Variants in DOK6 observed in about 807,000 individuals in gnomAD.
The protein encoded by DOK6 is docking protein 6.
Under a neutral mutation model 44.0 loss-of-function variants are expected in DOK6, and 22 were observed. That is an observed-to-expected ratio of 0.50 (90% CI 0.36 to 0.71). The LOEUF is 0.71. DOK6 is among the 30% of genes least tolerant of loss of function. The pLI, the probability that DOK6 is intolerant of heterozygous loss-of-function variation, is 0.00. For synonymous variants in DOK6, 166 were observed against 145.5 expected, an observed-to-expected ratio of 1.14 and a Z score of -1.01; for missense variants, 340 against 416.4, an observed-to-expected ratio of 0.82 and a Z score of 1.60.
intron 1 of DOK6, among the ~76,000 whole-genome samples, chr18:69,437,517 ATATCTGT>A (rs1979015155): frequency 6.6e-6 from 1 of 152,064 alleles, no homozygotes; most frequent in East Asian, 1.9e-4. Flanking sequence ...GTTGGTCTCT[ATATCTGT>A]TTTGGTACCA....
chr18:69,642,021 C>T (rs1167890096), intron 3 of DOK6, among the ~76,000 whole-genome samples: 2 of 152,256 alleles, frequency 1.3e-5, no homozygotes, highest in East Asian at 1.9e-4. Context: ...ATACAGAAAA[C>T]TCGAAGAAAT....
At chr18:69,619,501 G>C (rs1984390801) in intron 3 of DOK6, among the ~76,000 whole-genome samples, 2 of 152,180 alleles carry the variant, frequency 1.3e-5, no homozygotes, top group African/African-American at 2.4e-5. Context: ...GGCACTACAT[G>C]CCTCTTGGAA....
At chr18:69,621,293 A>T (rs1204841988) in intron 3 of DOK6, among the ~76,000 whole-genome samples, 1 of 152,174 alleles carries the variant, frequency 6.6e-6, no homozygotes, top group Non-Finnish European at 1.5e-5. Context: ...TATAGAATGT[A>T]CTAAAATTGT....
rs143106126 is a variant in DOK6, at chr18:69,549,656, A to G, written c.67-14831A>G. ...AAAGCAGTTTGTATCTCAACTCATC[A>G]AGTGGTTTGTTAATGAAGTGAGAGT... On this transcript the variant is annotated intron_variant, in intron 1 of 7. Coordinates refer to ENST00000382713, the MANE Select transcript of DOK6 (RefSeq NM_152721.6). 8.4e-4 allele frequency among the ~76,000 whole-genome samples: 128 copies of G among 151,634 alleles called. 2 individuals are homozygous for G. The highest frequency in any genetic ancestry group is 3.4e-3 in the Middle Eastern group (1 of 294).
At chr18:69,597,703 C>T (rs113617544) in intron 2 of DOK6, among the ~76,000 whole-genome samples, 425 of 144,950 alleles carry the variant, frequency 2.9e-3, no homozygotes, top group African/African-American at 9.7e-3. Context: ...GACACAGCAT[C>T]GCCTGCTCAA....
intron 6 of DOK6, among the ~76,000 whole-genome samples, chr18:69,752,207 C>A (rs1297670601): frequency 1.3e-5 from 2 of 151,664 alleles, no homozygotes; most frequent in African/African-American, 2.4e-5. Context: ...AAAGTAAAAC[C>A]CAAATATATA....
chr18:69,672,346 TGTTA>T (rs1407370490), intron 3 of DOK6, among the ~76,000 whole-genome samples: 4 of 151,786 alleles, frequency 2.6e-5, no homozygotes, highest in African/African-American at 4.8e-5. Context: ...TGGTTTTGTT[TGTTA>T]GTTTGTTTGT....
At chr18:69,612,104 A>G (rs893131266) in intron 3 of DOK6, among the ~76,000 whole-genome samples, 1 of 152,056 alleles carries the variant, frequency 6.6e-6, no homozygotes, top group Non-Finnish European at 1.5e-5. Flanking sequence ...GGATGTCTCT[A>G]TCATTTCTCA....
rs1986186582 is a variant in DOK6, at chr18:69,687,860, C to A, written c.409+10007C>A. ...TCTAATCAAACTTTTTACTGAAAGT[C>A]TTTATGTAATATGACAAGAAAATAA... On this transcript the variant is annotated intron_variant, in intron 4 of 7. Transcript: ENST00000382713. Among the ~76,000 whole-genome samples the A allele has an allele frequency of 2.6e-5, 4 of 152,006 alleles. No individual in the cohort carries two copies. In the South Asian group the frequency reaches 8.3e-4, roughly 32 times the overall value.
At chr18:69,557,326 A>G (rs1177098130) in intron 1 of DOK6, among the ~76,000 whole-genome samples, 2 of 152,146 alleles carry the variant, frequency 1.3e-5, no homozygotes, top group East Asian at 1.9e-4. Context: ...GGCCCATTAA[A>G]TCCAACTTCT....
Position 69,591,587 on chromosome 18 carries a change from A to G in DOK6, c.175-7797A>G, listed in dbSNP as rs186630601. Among the ~76,000 whole-genome samples, 9 of 117,212 alleles carry G rather than the reference A, an allele frequency of 7.7e-5. No homozygotes were observed. In the East Asian group the frequency reaches 2.2e-3, roughly 28 times the overall value. 76.9% of individuals were successfully genotyped at this position (117,212 alleles called of 152,430 possible). Reference sequence around the variant, plus strand: ...AAAACTGGACTTTTCTGAAGAGACTAAGGTCGATATTAAATATTTTTTTAA... The same window carrying G: ...AAAACTGGACTTTTCTGAAGAGACTGAGGTCGATATTAAATATTTTTTTAA... On this transcript the variant is annotated intron_variant, in intron 2 of 7. Coordinates refer to ENST00000382713, the MANE Select transcript of DOK6 (RefSeq NM_152721.6).
chr18:69,688,873 G>C (rs1052732240), intron 4 of DOK6, among the ~76,000 whole-genome samples: 2 of 152,262 alleles, frequency 1.3e-5, no homozygotes, highest in African/African-American at 4.8e-5. Context: ...AGAATGACTG[G>C]ATATCTGTGT....
chr18:69,437,983 A>AAATGCC (rs1310761019), intron 1 of DOK6, among the ~76,000 whole-genome samples: 2 of 152,216 alleles, frequency 1.3e-5, no homozygotes, highest in African/African-American at 4.8e-5. Context: ...TTTTTGCTAA[A>AAATGCC]AATGCCAATG....
At chr18:69,733,960 T>C (rs944568044) in intron 5 of DOK6, among the ~76,000 whole-genome samples, 6 of 152,300 alleles carry the variant, frequency 3.9e-5, no homozygotes, top group African/African-American at 7.2e-5. Flanking sequence ...ATAATAGATA[T>C]CAAAAGATAT....
Position 69,401,373 on chromosome 18 carries a change from G to C in DOK6, c.66+63G>C, listed in dbSNP as rs981198062. ...CGTTCGGCCCGGCTGGCTGCCTGGG[G>C]GGGGGGCAGGGAGAGGTGACCCGTG... On this transcript the variant is annotated intron_variant, in intron 1 of 7. Transcript: ENST00000382713. 99 of 1,425,034 alleles carry C rather than the reference G, an allele frequency of 6.9e-5. 1 individual carries two copies. Among genetic ancestry groups the C allele is most frequent in the South Asian group, 6.7e-4 (45 of 67,456 alleles). The allele number at this position is 1,425,034 out of a possible 1,614,324, so 88.3% of individuals were successfully genotyped here.
chr18:69,824,834 G>T (rs1443916538), intron 7 of DOK6, among the ~76,000 whole-genome samples: 2 of 152,370 alleles, frequency 1.3e-5, no homozygotes. Flanking sequence ...CCGCAGGACT[G>T]AATGAAGTGA....
chr18:69,769,088 CT>C (rs1473634749), intron 7 of DOK6, among the ~76,000 whole-genome samples: 1 of 151,554 alleles, frequency 6.6e-6, no homozygotes, highest in Non-Finnish European at 1.5e-5. Flanking sequence ...AAGTTTAAAA[CT>C]TTTGTGTTAT....
chr18:69,627,361 C>T (rs1478846743), intron 3 of DOK6, among the ~76,000 whole-genome samples: 1 of 152,134 alleles, frequency 6.6e-6, no homozygotes, highest in East Asian at 1.9e-4. Flanking sequence ...GTCCATGGTG[C>T]TTTAGGGGGA....
intron 7 of DOK6, among the ~76,000 whole-genome samples, chr18:69,831,950 A>G (rs1041546826): frequency 1.3e-5 from 2 of 150,758 alleles, no homozygotes; most frequent in Admixed American, 6.6e-5. Context: ...GAGTCTCTAG[A>G]TTTTTCTAAA....
Sources: allele counts gnomAD v4.1 joint callset (sites outside exome capture counted in the v4.1 genomes callset), GRCh38; gene constraint gnomAD v4.1.1; transcripts MANE v1.5; gene names NCBI Gene and HGNC (gene_info 2026-07-23, HGNC 2026-07-21).